Variants in RBPJ observed in about 807,000 individuals in gnomAD.
RBPJ encodes the protein recombining binding protein suppressor of hairless.
In RBPJ, 9 loss-of-function variants were observed where a neutral mutation model predicts 67.8. That is an observed-to-expected ratio of 0.13 (90% confidence interval 0.08 to 0.23). The LOEUF is 0.23. RBPJ is among the 10% of genes least tolerant of loss of function. The probability of loss-of-function intolerance (pLI) is 1.00; values close to 1 mark genes in which losing one functional copy is unlikely to be tolerated. For missense variants in RBPJ, 305 were observed against 595.6 expected (o/e 0.51, Z 5.08); for synonymous variants, 198 against 203.3 (o/e 0.97, Z 0.22).
At chr4:26,173,844 C>T (rs983516472) in intron 1 of RBPJ, among the ~76,000 whole-genome samples, 2 of 152,188 alleles carry the variant, frequency 1.3e-5, no homozygotes, top group Non-Finnish European at 2.9e-5. Context: ...GGTCCCTGCC[C>T]TTGGGCAGCC....
intron 1 of RBPJ, among the ~76,000 whole-genome samples, chr4:26,231,694 G>C (rs1049827311): frequency 3.3e-5 from 5 of 151,866 alleles, no homozygotes; most frequent in Non-Finnish European, 7.4e-5. Flanking sequence ...TTACAGGCAT[G>C]AGCCACGGCG....
intron 1 of RBPJ, among the ~76,000 whole-genome samples, chr4:26,214,402 A>AAG (rs370702501): frequency 7.5e-6 from 1 of 133,658 alleles, no homozygotes; most frequent in African/African-American, 2.9e-5. Context: ...GGAGGGAGGG[A>AAG]AGAGAGAGAG....
At chr4:26,210,716 C>CTTCTTTCT (rs375291982) in intron 1 of RBPJ, among the ~76,000 whole-genome samples, 2 of 40,088 alleles carry the variant, frequency 5.0e-5, no homozygotes, top group African/African-American at 1.1e-4. Context: ...TCCTTCTTTC[C>CTTCTTTCT]TTCTTTCTTT....
chr4:26,134,002 C>T, the RBPJ span, among the ~76,000 whole-genome samples: 1 of 151,952 alleles, frequency 6.6e-6, no homozygotes, highest in African/African-American at 2.4e-5. Context: ...CTTCCCTACC[C>T]TAAAGTTGAA....
chr4:26,237,054 T>G (rs1160161386), intron 1 of RBPJ, among the ~76,000 whole-genome samples: 2 of 152,114 alleles, frequency 1.3e-5, no homozygotes, highest in African/African-American at 2.4e-5. Flanking sequence ...AAACACCAGT[T>G]CAATGAACCC....
chr4:26,231,015 T>G (rs1719263202), intron 1 of RBPJ, among the ~76,000 whole-genome samples: 1 of 152,148 alleles, frequency 6.6e-6, no homozygotes, highest in African/African-American at 2.4e-5. Flanking sequence ...AGGAAACGCA[T>G]AAGCAGGCTC....
At chr4:26,370,810 C>CT (rs1173964792) in intron 1 of RBPJ, among the ~76,000 whole-genome samples, 5 of 152,060 alleles carry the variant, frequency 3.3e-5, no homozygotes, top group African/African-American at 1.2e-4. Flanking sequence ...TCTGGGTACA[C>CT]TGGCTCACGC....
intron 1 of RBPJ, among the ~76,000 whole-genome samples, chr4:26,336,125 A>G (rs1724808380): frequency 6.6e-6 from 1 of 152,214 alleles, no homozygotes; most frequent in Non-Finnish European, 1.5e-5. Flanking sequence ...CTGTCTAAAT[A>G]TCATCAGACA....
chr4:26,365,330 A>G (rs1728516521), intron 1 of RBPJ, among the ~76,000 whole-genome samples: 2 of 152,048 alleles, frequency 1.3e-5, no homozygotes, highest in Admixed American at 6.6e-5. Flanking sequence ...TTTTCTCATC[A>G]GTGAAAGAAG....
the RBPJ span, among the ~76,000 whole-genome samples, chr4:26,117,388 A>G: frequency 2.0e-5 from 3 of 152,106 alleles, no homozygotes; most frequent in Non-Finnish European, 4.4e-5. Flanking sequence ...CCTCAATTTT[A>G]TCTGAACTAT....
At chr4:26,365,115 A>G (rs1289222752) in intron 1 of RBPJ, among the ~76,000 whole-genome samples, 2 of 151,394 alleles carry the variant, frequency 1.3e-5, no homozygotes, top group Non-Finnish European at 1.5e-5. Context: ...ATAATTATAT[A>G]TATACACACA....
chr4:26,337,893 C>T (rs1408634372), intron 1 of RBPJ, among the ~76,000 whole-genome samples: 1 of 151,648 alleles, frequency 6.6e-6, no homozygotes, highest in Admixed American at 6.6e-5. Context: ...CACCACGTTG[C>T]CCAGGCTGTC....
At chr4:26,139,227 G>A in the RBPJ span, among the ~76,000 whole-genome samples, 4 of 152,236 alleles carry the variant, frequency 2.6e-5, no homozygotes, top group Non-Finnish European at 5.9e-5. Context: ...CATCTGGGCA[G>A]TGGAAGTAAT....
At chr4:26,180,184 C>T (rs545979218) in intron 1 of RBPJ, among the ~76,000 whole-genome samples, 28 of 151,698 alleles carry the variant, frequency 1.8e-4, no homozygotes, top group South Asian at 1.3e-3. Flanking sequence ...GGGTGGAGGG[C>T]GGGAGAAGGG....
At chr4:26,138,091 T>C in the RBPJ span, among the ~76,000 whole-genome samples, 6 of 144,338 alleles carry the variant, frequency 4.2e-5, no homozygotes, top group East Asian at 7.7e-4. Context: ...GTTGAGACCC[T>C]GGAACTGCCA....
At chr4:26,363,417 C>T (rs899639734) in intron 1 of RBPJ, among the ~76,000 whole-genome samples, 1 of 151,790 alleles carries the variant, frequency 6.6e-6, no homozygotes, top group Non-Finnish European at 1.5e-5. Context: ...GGACTACAGG[C>T]GTGAGCCACT....
intron 1 of RBPJ, among the ~76,000 whole-genome samples, chr4:26,379,825 C>G (rs972346235): frequency 6.6e-6 from 1 of 152,164 alleles, no homozygotes. Flanking sequence ...ATTCTCCTGA[C>G]TTGGCCTCCC....
chr4:26,279,733 C>T (rs982214852), intron 1 of RBPJ, among the ~76,000 whole-genome samples: 1 of 150,780 alleles, frequency 6.6e-6, no homozygotes, highest in Admixed American at 6.6e-5. Flanking sequence ...TAAAACTTCT[C>T]ATTTCAGGCA....
At position 26,244,181 on chromosome 4, in the gene RBPJ, A is replaced by T. The variant is rs7679794; in HGVS notation, c.-167+80567A>T. On this transcript the variant is annotated intron_variant, in intron 1 of 4. Transcript: ENST00000512351. ...TGTATATATATATGTATACACATAT[A>T]TGTATACATATATGTGTCTATATAT... Among the ~76,000 whole-genome samples, 2 of 121,448 alleles carry T rather than the reference A, an allele frequency of 1.6e-5. 1 individual carries two copies. Among genetic ancestry groups the T allele is most frequent in the Admixed American group, 1.6e-4 (2 of 12,758 alleles). 79.7% of individuals were successfully genotyped at this position (121,448 alleles called of 152,430 possible). A position where few individuals can be genotyped will look rare whatever the true frequency, so the allele number is the denominator to read the frequency against.
Sources: gnomAD v4.1 joint callset for allele counts (sites outside exome capture counted in the v4.1 genomes callset) on GRCh38, gnomAD v4.1.1 for gene constraint, MANE v1.5 for transcripts, NCBI Gene and HGNC (gene_info 2026-07-23, HGNC 2026-07-21) for gene names.